The following RBFOX2 variants were observed in gnomAD, a reference collection of about 807,000 sequenced individuals.
RBFOX2 encodes RNA binding protein fox-1 homolog 2.
A neutral mutation model predicts 49.1 loss-of-function variants in RBFOX2; 10 were observed. The ratio of observed to expected loss-of-function variants is 0.20; its 90% CI spans 0.13 to 0.35. The LOEUF is 0.35. Ranked by LOEUF, RBFOX2 falls within the 10% of genes least tolerant of loss-of-function variation. RBFOX2 has a pLI of 1.00. For synonymous variants in RBFOX2, 183 were observed against 187.4 expected, an observed-to-expected ratio of 0.98 and a Z score of 0.19; for missense variants, 323 against 486.9, an observed-to-expected ratio of 0.66 and a Z score of 3.17.
chr22:35,789,562 T>C (rs781142016), intron 2 of RBFOX2, among the ~76,000 whole-genome samples: 1 of 152,096 alleles, frequency 6.6e-6, no homozygotes, highest in African/African-American at 2.4e-5. Flanking sequence ...GAAAAAGATG[T>C]AGACCTTTAT....
intron 2 of RBFOX2, among the ~76,000 whole-genome samples, chr22:35,792,311 G>A (rs1373896342): frequency 1.2e-5 from 1 of 86,502 alleles, no homozygotes; most frequent in African/African-American, 4.7e-5. Context: ...ATGAAACTCC[G>A]TCTCAAAAAA....
chr22:35,863,527 C>T (rs994378197), intron 1 of RBFOX2, among the ~76,000 whole-genome samples: 3 of 152,116 alleles, frequency 2.0e-5, no homozygotes, highest in African/African-American at 7.2e-5. Context: ...TCACTATGCT[C>T]ATGCCTTACA....
chr22:35,906,451 GA>G (rs562683261), intron 1 of RBFOX2, among the ~76,000 whole-genome samples: 3 of 151,802 alleles, frequency 2.0e-5, no homozygotes, highest in South Asian at 2.1e-4. Context: ...AAAAACAAAA[GA>G]AAAAAAATCA....
At chr22:35,950,200 A>T (rs1019644815) in intron 1 of RBFOX2, among the ~76,000 whole-genome samples, 1 of 145,502 alleles carries the variant, frequency 6.9e-6, no homozygotes, top group Non-Finnish European at 1.5e-5. Context: ...TTTTCTGAGG[A>T]TTTAGAATTA....
chr22:35,979,522 G>C (rs2057357208), intron 1 of RBFOX2, among the ~76,000 whole-genome samples: 2 of 152,106 alleles, frequency 1.3e-5, no homozygotes, highest in Admixed American at 1.3e-4. Context: ...GCTCAGAAAA[G>C]GCACAATGAA....
At chr22:35,935,584 CTT>C (rs1425129714) in intron 1 of RBFOX2, among the ~76,000 whole-genome samples, 1 of 152,124 alleles carries the variant, frequency 6.6e-6, no homozygotes, top group East Asian at 1.9e-4. Flanking sequence ...TGCTAACAAA[CTT>C]AGTAGTAATA....
At chr22:35,882,854 CA>C (rs1412861234) in intron 1 of RBFOX2, among the ~76,000 whole-genome samples, 1 of 152,158 alleles carries the variant, frequency 6.6e-6, no homozygotes, top group Admixed American at 6.5e-5. Flanking sequence ...TTAACAACAG[CA>C]TGGCATTCTG....
At chr22:35,967,239 C>A (rs1034153093) in intron 1 of RBFOX2, among the ~76,000 whole-genome samples, 11 of 152,112 alleles carry the variant, frequency 7.2e-5, no homozygotes, top group Non-Finnish European at 2.9e-5. Flanking sequence ...TAAAGAATAT[C>A]ATGAAAACAT....
At chr22:35,905,024 C>CAAATA (rs1304620248) in intron 1 of RBFOX2, among the ~76,000 whole-genome samples, 2 of 152,104 alleles carry the variant, frequency 1.3e-5, no homozygotes. Context: ...AGCAAAAAGG[C>CAAATA]CCTCTAGGTA....
At chr22:35,910,770 T>C (rs1787917273) in intron 1 of RBFOX2, among the ~76,000 whole-genome samples, 1 of 152,188 alleles carries the variant, frequency 6.6e-6, no homozygotes, top group South Asian at 2.1e-4. Context: ...ATAACATTAT[T>C]TTCTGAGAAG....
At chr22:35,870,029 T>C (rs1241188315) in intron 1 of RBFOX2, among the ~76,000 whole-genome samples, 2 of 152,228 alleles carry the variant, frequency 1.3e-5, no homozygotes, top group African/African-American at 2.4e-5. Flanking sequence ...TCATTTCTGA[T>C]TGAGATCATG....
chr22:35,945,907 G>A (rs566453641), intron 1 of RBFOX2, among the ~76,000 whole-genome samples: 28 of 152,112 alleles, frequency 1.8e-4, no homozygotes, highest in Admixed American at 7.2e-4. Flanking sequence ...CTAAGCTTTC[G>A]CTGCAAAAAA....
chr22:35,919,280 G>C (rs2050759650), intron 1 of RBFOX2, among the ~76,000 whole-genome samples: 1 of 152,238 alleles, frequency 6.6e-6, no homozygotes. Flanking sequence ...GCTCACGCCT[G>C]TAATTCCAGC....
intron 1 of RBFOX2, among the ~76,000 whole-genome samples, chr22:35,929,448 T>G (rs900448887): frequency 6.6e-6 from 1 of 152,024 alleles, no homozygotes; most frequent in African/African-American, 2.4e-5. Context: ...AATACAAATA[T>G]CTACCAACTG....
intron 4 of RBFOX2, among the ~76,000 whole-genome samples, chr22:35,774,168 C>T (rs1014434735): frequency 6.6e-6 from 1 of 152,022 alleles, no homozygotes; most frequent in African/African-American, 2.4e-5. Context: ...ATCATTCAAA[C>T]TGGGACATTC....
At chr22:35,943,953 CAG>C (rs984342526) in intron 1 of RBFOX2, among the ~76,000 whole-genome samples, 11 of 152,222 alleles carry the variant, frequency 7.2e-5, no homozygotes, top group East Asian at 3.9e-4. Context: ...TGGATACAGA[CAG>C]AAGTGATACA....
At chr22:35,836,552 C>A (rs933086393) in intron 1 of RBFOX2, 1 of 152,320 alleles carries the variant, frequency 6.6e-6, no homozygotes, top group Non-Finnish European at 1.5e-5. Context: ...GGAACAGCAA[C>A]CCCCTTTCCA....
At chr22:35,937,677 A>G (rs1452198574) in intron 1 of RBFOX2, among the ~76,000 whole-genome samples, 1 of 150,882 alleles carries the variant, frequency 6.6e-6, no homozygotes, top group Non-Finnish European at 1.5e-5. Context: ...TGCAACCTCT[A>G]CCTCCCCAGT....
chr22:35,949,828 A>G (rs970982278), intron 1 of RBFOX2, among the ~76,000 whole-genome samples: 10 of 152,200 alleles, frequency 6.6e-5, no homozygotes, highest in Non-Finnish European at 1.5e-4. Flanking sequence ...CTTATCAGAT[A>G]TATTTTTGCA....
Sources: gnomAD v4.1 joint callset for allele counts (sites outside exome capture counted in the v4.1 genomes callset) on GRCh38, gnomAD v4.1.1 for gene constraint, MANE v1.5 for transcripts, NCBI Gene and HGNC (gene_info 2026-07-23, HGNC 2026-07-21) for gene names.